Variants in FBXL17 observed in about 807,000 individuals in gnomAD.
FBXL17 encodes F-box/LRR-repeat protein 17.
Under a neutral mutation model 66.2 loss-of-function variants are expected in FBXL17, and 22 were observed. The observed-to-expected ratio is 0.33, with a 90% CI of 0.24 to 0.47. The LOEUF (loss-of-function observed/expected upper bound fraction) is 0.47. FBXL17 is among the 20% of genes least tolerant of loss of function. The pLI, the probability that FBXL17 is intolerant of heterozygous loss-of-function variation, is 1.00. For synonymous variants in FBXL17, 474 were observed against 400.5 expected (o/e 1.18, Z -2.19); for missense variants, 878 against 948.2 (o/e 0.93, Z 0.97).
chr5:107,887,002 T>A (rs975295670), intron 7 of FBXL17, among the ~76,000 whole-genome samples: 16 of 151,964 alleles, frequency 1.1e-4, no homozygotes, highest in African/African-American at 3.9e-4. Flanking sequence ...GGTCCTGAGT[T>A]AGATACTAGA....
At chr5:108,365,162 T>C (rs1748582934) in intron 2 of FBXL17, among the ~76,000 whole-genome samples, 167 bp from the exon 3 acceptor site, 1 of 152,096 alleles carries the variant, frequency 6.6e-6, no homozygotes, top group African/African-American at 2.4e-5. Flanking sequence ...AAGAATTTGG[T>C]ATAATAATAA....
chr5:108,378,494 T>G (rs991344646), intron 1 of FBXL17, among the ~76,000 whole-genome samples: 2 of 109,462 alleles, frequency 1.8e-5, no homozygotes, highest in East Asian at 4.4e-4. Flanking sequence ...GACTTGTGCC[T>G]CTCTACGCAA....
At chr5:107,865,456 T>A (rs1277458402) in intron 8 of FBXL17, among the ~76,000 whole-genome samples, 1 of 152,216 alleles carries the variant, frequency 6.6e-6, no homozygotes, top group African/African-American at 2.4e-5. Flanking sequence ...TATCCTTTGA[T>A]TTCCCAAAAT....
intron 6 of FBXL17, among the ~76,000 whole-genome samples, chr5:108,053,708 C>T (rs142309191): frequency 0.017 from 2,626 of 152,264 alleles, 29 homozygotes; most frequent in Non-Finnish European, 0.022. Context: ...TATGGCAATT[C>T]CTCAAGGATC....
intron 7 of FBXL17, among the ~76,000 whole-genome samples, chr5:107,936,952 G>A (rs1004841302): frequency 6.6e-6 from 1 of 151,200 alleles, no homozygotes; most frequent in African/African-American, 2.4e-5. Flanking sequence ...TTCACTAGTA[G>A]TATAAAGAAA....
At chr5:108,253,421 C>G (rs1233448798) in intron 4 of FBXL17, among the ~76,000 whole-genome samples, 1 of 152,128 alleles carries the variant, frequency 6.6e-6, no homozygotes, top group Admixed American at 6.5e-5. Context: ...ACCACCTCTC[C>G]ACTCAAAGTT....
At chr5:108,344,180 T>C (rs1402726310) in intron 4 of FBXL17, among the ~76,000 whole-genome samples, 8 of 117,178 alleles carry the variant, frequency 6.8e-5, no homozygotes, top group Non-Finnish European at 1.6e-4. Context: ...GCCTAGGGGG[T>C]CGGGGGGGAA....
chr5:107,874,321 C>T (rs1748547586), intron 8 of FBXL17, among the ~76,000 whole-genome samples: 1 of 152,050 alleles, frequency 6.6e-6, no homozygotes, highest in Admixed American at 6.6e-5. Context: ...ATACCAGATA[C>T]AAGATTCCAG....
chr5:107,887,319 G>A (rs1024635313), intron 7 of FBXL17, among the ~76,000 whole-genome samples: 1 of 152,114 alleles, frequency 6.6e-6, no homozygotes, highest in African/African-American at 2.4e-5. Flanking sequence ...ATGGAACCTC[G>A]GATATATAAA....
intron 4 of FBXL17, among the ~76,000 whole-genome samples, chr5:108,344,109 A>T (rs1169829035): frequency 6.6e-6 from 1 of 152,196 alleles, no homozygotes; most frequent in Admixed American, 6.5e-5. Flanking sequence ...TCAAGGTTTT[A>T]ACTGAGTTCA....
chr5:107,897,773 T>C (rs943659254), intron 7 of FBXL17, among the ~76,000 whole-genome samples: 2 of 151,508 alleles, frequency 1.3e-5, no homozygotes, highest in Non-Finnish European at 2.9e-5. Flanking sequence ...CCATTGAAGA[T>C]GCCATTCTTA....
chr5:107,957,263 G>GT (rs1751699436), intron 7 of FBXL17, among the ~76,000 whole-genome samples: 1 of 152,124 alleles, frequency 6.6e-6, no homozygotes, highest in Admixed American at 6.6e-5. Context: ...AAGAGTGGGT[G>GT]TAAACGACAT....
intron 6 of FBXL17, among the ~76,000 whole-genome samples, chr5:108,069,827 A>T (rs946642538): frequency 2.5e-4 from 38 of 152,236 alleles, no homozygotes; most frequent in African/African-American, 9.2e-4. Context: ...TGCCTGAAAC[A>T]AAGTTCTATA....
chr5:108,109,262 C>G lies in FBXL17; in HGVS notation c.1745+76855G>C, dbSNP rs1561414358. On this transcript the variant is annotated intron_variant, in intron 6 of 8. Coordinates refer to ENST00000542267, the MANE Select transcript of FBXL17 (RefSeq NM_001163315.3). The stretch of plus-strand genomic sequence containing the variant: ...AAATAGCAGAAGGAGGAAGGTCACT[C>G]TCACCTTCCCCACATCCTTTTTCTG... 2.0e-5 allele frequency among the ~76,000 whole-genome samples: 3 copies of G among 152,154 alleles called. 1 individual carries two copies. In the South Asian group the frequency reaches 6.2e-4, roughly 32 times the overall value.
intron 6 of FBXL17, among the ~76,000 whole-genome samples, chr5:108,103,121 T>G (rs540468892): frequency 6.6e-6 from 1 of 152,370 alleles, no homozygotes; most frequent in Admixed American, 6.5e-5. Context: ...CTAAAGGTTT[T>G]ATTTTATGTG....
chr5:107,874,613 C>T (rs958860871), intron 8 of FBXL17, among the ~76,000 whole-genome samples: 7 of 152,150 alleles, frequency 4.6e-5, no homozygotes, highest in Admixed American at 3.9e-4. Context: ...ACCATTTCAC[C>T]TCTTTTATAA....
chr5:107,999,632 A>ACATG (rs775056346), intron 7 of FBXL17, among the ~76,000 whole-genome samples: 11 of 152,028 alleles, frequency 7.2e-5, no homozygotes, highest in Non-Finnish European at 1.5e-4. Context: ...TCTAAATAAC[A>ACATG]CATGCACACA....
chr5:108,367,700 A>T (rs1331159215), intron 2 of FBXL17, 131 bp downstream of exon 2: 2 of 723,652 alleles, frequency 2.8e-6, no homozygotes, highest in Non-Finnish European at 4.1e-6. Context: ...AAAACTACAG[A>T]AGCACAAAAT....
intron 6 of FBXL17, among the ~76,000 whole-genome samples, chr5:108,086,637 C>T (rs1374771173): frequency 2.6e-5 from 4 of 152,284 alleles, no homozygotes; most frequent in Admixed American, 2.0e-4. Context: ...CCGATCACTG[C>T]GACCTCCGCC....
Sources: gnomAD v4.1 joint callset for allele counts (sites outside exome capture counted in the v4.1 genomes callset) on GRCh38, gnomAD v4.1.1 for gene constraint, MANE v1.5 for transcripts, NCBI Gene and HGNC (gene_info 2026-07-23, HGNC 2026-07-21) for gene names.